Variants in CMIP observed in about 807,000 individuals in gnomAD.
CMIP encodes the protein C-Maf-inducing protein.
In CMIP, 13 loss-of-function variants were observed where a neutral mutation model predicts 97.3. The observed-to-expected ratio is 0.13, with a 90% confidence interval of 0.09 to 0.21. The LOEUF (loss-of-function observed/expected upper bound fraction) is 0.21. CMIP is among the 10% of genes least tolerant of loss of function. The pLI, the probability that CMIP is intolerant of heterozygous loss-of-function variation, is 1.00. For synonymous variants in CMIP, 538 were observed against 436.3 expected (o/e 1.23, Z -2.91); for missense variants, 847 against 1,024.9 (o/e 0.83, Z 2.37).
chr16:81,681,594 G>A (rs577833562), intron 10 of CMIP, among the ~76,000 whole-genome samples: 38 of 152,358 alleles, frequency 2.5e-4, no homozygotes, highest in South Asian at 2.5e-3. Context: ...AGTAGCCGCC[G>A]TTTATGATGC....
rs199901578 is a variant in CMIP, at chr16:81,582,309, A to AT, written c.301-25250dup. Among the ~76,000 whole-genome samples the AT allele has an allele frequency of 8.4e-3, 1,281 of 151,832 alleles. 18 individuals are homozygous for AT. The highest frequency in any genetic ancestry group is 0.029 in the African/African-American group (1,219 of 41,376). ...GCCTCCAGGAACCCCTCCTTGGAAT[A>AT]TTTTTTTTGCCAACTTGCCAGGGTG... is the stretch of plus-strand genomic sequence containing the variant. On this transcript the variant is annotated intron_variant, in intron 1 of 20. Coordinates refer to ENST00000537098, the MANE Select transcript of CMIP (RefSeq NM_198390.3).
chr16:81,600,388 A>G (rs1272803357), intron 1 of CMIP, among the ~76,000 whole-genome samples: 1 of 152,152 alleles, frequency 6.6e-6, no homozygotes, highest in African/African-American at 2.4e-5. Context: ...TGGCCTGCCC[A>G]TACAATGGAA....
intron 13 of CMIP, among the ~76,000 whole-genome samples, chr16:81,694,839 G>A (rs1199885152): frequency 6.6e-6 from 1 of 152,206 alleles, no homozygotes; most frequent in Non-Finnish European, 1.5e-5. Context: ...TCTAAACACC[G>A]ATTTCCCTAA....
chr16:81,571,799 G>GC (rs2091095018), intron 1 of CMIP, among the ~76,000 whole-genome samples: 1 of 152,160 alleles, frequency 6.6e-6, no homozygotes, highest in South Asian at 2.1e-4. Context: ...GTGCGCGGGA[G>GC]CCCTGCTTCC....
intron 4 of CMIP, among the ~76,000 whole-genome samples, chr16:81,654,072 C>T (rs2092457526): frequency 1.3e-5 from 2 of 152,168 alleles, no homozygotes; most frequent in South Asian, 2.1e-4. Flanking sequence ...ACCACTTCAG[C>T]GCCACCAGGC....
At chr16:81,465,704 C>T (rs1173195012) in intron 1 of CMIP, among the ~76,000 whole-genome samples, 5 of 152,246 alleles carry the variant, frequency 3.3e-5, no homozygotes, top group Non-Finnish European at 7.3e-5. Flanking sequence ...ACCATTTCGC[C>T]TGTGGTGGTG....
chr16:81,702,413 T>G (rs1907520023), intron 16 of CMIP, among the ~76,000 whole-genome samples: 1 of 152,070 alleles, frequency 6.6e-6, no homozygotes. Flanking sequence ...TTCCCCACTC[T>G]CCCACTGGTG....
intron 1 of CMIP, among the ~76,000 whole-genome samples, chr16:81,537,995 A>G (rs876672): frequency 0.077 from 11,683 of 152,298 alleles, 667 homozygotes; most frequent in East Asian, 0.29. Context: ...CAGAACAATA[A>G]CAATCATCGT....
At chr16:81,581,093 A>G (rs906672422) in intron 1 of CMIP, among the ~76,000 whole-genome samples, 3 of 152,068 alleles carry the variant, frequency 2.0e-5, no homozygotes, top group Admixed American at 1.3e-4. Context: ...GTGTTGCAGC[A>G]TGTGTCAGCA....
chr16:81,489,557 G>A (rs1487453315), intron 1 of CMIP, among the ~76,000 whole-genome samples: 1 of 152,226 alleles, frequency 6.6e-6, no homozygotes, highest in Admixed American at 6.5e-5. Context: ...CTTTACAAGT[G>A]TGTGACTTTC....
rs548007420 is a variant in CMIP, at chr16:81,690,234, A to AT, written c.1389-1539dup. ...GATGGGGATGGCATTGAATCTATAAATTACCTTGGGCAGTATGGCCATTTT... is the reference window on the plus strand; with the variant it reads ...GATGGGGATGGCATTGAATCTATAAATTTACCTTGGGCAGTATGGCCATTTT... On this transcript the variant is annotated intron_variant, in intron 10 of 20. Transcript: ENST00000537098. Among the ~76,000 whole-genome samples, 8 of 152,284 alleles carry AT rather than the reference A, an allele frequency of 5.3e-5. No individual in the cohort carries two copies. In the East Asian group the frequency reaches 1.5e-3, roughly 29 times the overall value.
chr16:81,479,407 G>A (rs1400332435), intron 1 of CMIP, among the ~76,000 whole-genome samples: 1 of 152,060 alleles, frequency 6.6e-6, no homozygotes, highest in Non-Finnish European at 1.5e-5. Context: ...AGTTCATTGA[G>A]TACGTTCACA....
intron 1 of CMIP, among the ~76,000 whole-genome samples, chr16:81,537,761 G>C (rs2090373240): frequency 6.6e-6 from 1 of 152,196 alleles, no homozygotes; most frequent in South Asian, 2.1e-4. Flanking sequence ...AAGTTCAGTG[G>C]AGGATTAGCC....
At chr16:81,548,951 C>G (rs2090602242) in intron 1 of CMIP, among the ~76,000 whole-genome samples, 1 of 152,218 alleles carries the variant, frequency 6.6e-6, no homozygotes, top group African/African-American at 2.4e-5. Flanking sequence ...CATAGCAACC[C>G]ATTTCACACA....
intron 1 of CMIP, among the ~76,000 whole-genome samples, chr16:81,511,840 G>A (rs1339192001): frequency 6.6e-6 from 1 of 152,184 alleles, no homozygotes; most frequent in Admixed American, 6.5e-5. Context: ...AGGATTACAC[G>A]TGTGAGCCAC....
intron 1 of CMIP, among the ~76,000 whole-genome samples, chr16:81,585,455 G>A (rs574404829): frequency 6.6e-6 from 1 of 152,212 alleles, no homozygotes; most frequent in East Asian, 1.9e-4. Context: ...AAGGAAACCC[G>A]TGCCCATCAG....
chr16:81,448,820 C>T (rs1368599138), intron 1 of CMIP, among the ~76,000 whole-genome samples: 1 of 152,232 alleles, frequency 6.6e-6, no homozygotes, highest in African/African-American at 2.4e-5. Context: ...CAGGACTGCA[C>T]CTTTGTGGGG....
At chr16:81,544,613 C>G (rs542969963) in intron 1 of CMIP, among the ~76,000 whole-genome samples, 1 of 151,396 alleles carries the variant, frequency 6.6e-6, no homozygotes, top group Non-Finnish European at 1.5e-5. Context: ...AGGACCACCA[C>G]AGGGGTGCAT....
chr16:81,590,747 C>T (rs1434495074), intron 1 of CMIP, among the ~76,000 whole-genome samples: 1 of 152,184 alleles, frequency 6.6e-6, no homozygotes, highest in Non-Finnish European at 1.5e-5. Flanking sequence ...AAACCTCTCA[C>T]CTACACACCC....
Sources: allele counts gnomAD v4.1 joint callset (sites outside exome capture counted in the v4.1 genomes callset), GRCh38; gene constraint gnomAD v4.1.1; transcripts MANE v1.5; gene names NCBI Gene and HGNC (gene_info 2026-07-23, HGNC 2026-07-21).